Variants in SYNE3 observed in about 807,000 individuals in gnomAD.
SYNE3 encodes the protein nesprin-3.
SYNE3 carries 100 observed loss-of-function variants against 111.2 expected under a neutral mutation model. The ratio of observed to expected loss-of-function variants is 0.90; its 90% CI spans 0.77 to 1.06. SYNE3 has a LOEUF of 1.06. SYNE3 is among the 50% of genes least tolerant of loss of function. SYNE3 has a pLI of 0.00. For missense variants in SYNE3, 1,160 were observed against 1,240.3 expected (o/e 0.94, Z 0.97); for synonymous variants, 547 against 533.9 (o/e 1.02, Z -0.34).
intron 4 of SYNE3, among the ~76,000 whole-genome samples, chr14:95,465,538 T>G (rs542625543): frequency 6.6e-6 from 1 of 151,860 alleles, no homozygotes; most frequent in South Asian, 2.1e-4. Context: ...AATGAGTAGA[T>G]AGATGAATGC....
chr14:95,467,591 T>G (rs996676269), intron 3 of SYNE3, among the ~76,000 whole-genome samples: 2 of 152,222 alleles, frequency 1.3e-5, no homozygotes, highest in Non-Finnish European at 2.9e-5. Context: ...CAAAACACGC[T>G]GGGTTCCCAG....
chr14:95,452,501 C>T, intron 6 of SYNE3, 118 bp from the exon 7 acceptor site: 1 of 1,312,202 alleles, frequency 7.6e-7, no homozygotes, highest in Non-Finnish European at 1.0e-6. Context: ...AAACTGTCAC[C>T]AGGGGCAGGA....
chr14:95,441,776 A>T (rs4905307), intron 11 of SYNE3, among the ~76,000 whole-genome samples: 55,475 of 152,120 alleles, frequency 0.36, 10,623 homozygotes, highest in East Asian at 0.52. Context: ...TCAACCAGAC[A>T]TTAATCGTCA....
In SYNE3 at chr14:95,488,399, T is replaced by A. The variant is rs78230706; in HGVS notation, c.-14-12564A>T. Among the ~76,000 whole-genome samples the A allele has an allele frequency of 1.0e-2, 1,522 of 152,336 alleles. 11 individuals carry two copies. Among genetic ancestry groups the A allele is most frequent in the Non-Finnish European group, 0.016 (1,057 of 68,026 alleles). On this transcript the variant is annotated intron_variant, in intron 1 of 17. Transcript: ENST00000682763. ...CATAGCATTCCTGTGCCACAGATTGTGGATTCATGCACCCACGGATGGATA... is the reference window on the plus strand; with the variant it reads ...CATAGCATTCCTGTGCCACAGATTGAGGATTCATGCACCCACGGATGGATA...
At chr14:95,439,272 AC>A in intron 13 of SYNE3, 110 bp from the exon 14 acceptor site, 1 of 1,495,096 alleles carries the variant, frequency 6.7e-7, no homozygotes, top group Non-Finnish European at 9.2e-7. Flanking sequence ...AGTGCCCCCC[AC>A]TGAAGTTTGT....
intron 17 of SYNE3, among the ~76,000 whole-genome samples, chr14:95,419,061 G>A (rs1374467678): frequency 2.0e-5 from 3 of 152,158 alleles, no homozygotes; most frequent in Non-Finnish European, 4.4e-5. Context: ...CTGCTACAAT[G>A]TCCCTGAAAG....
intron 1 of SYNE3, among the ~76,000 whole-genome samples, chr14:95,497,450 G>A (rs894882081): frequency 1.5e-4 from 13 of 87,184 alleles, no homozygotes; most frequent in Admixed American, 7.7e-4. Flanking sequence ...TTTTCCCGAG[G>A]GGAGAAAAAA....
At chr14:95,437,068 C>A in intron 14 of SYNE3, 87 bp from the exon 15 acceptor site, 1 of 1,560,668 alleles carries the variant, frequency 6.4e-7, no homozygotes, top group Non-Finnish European at 8.7e-7. Context: ...GGCAGAGGGG[C>A]AGGGACCAGG....
chr14:95,501,555 A>G (rs774230432), intron 1 of SYNE3, among the ~76,000 whole-genome samples: 1 of 152,238 alleles, frequency 6.6e-6, no homozygotes, highest in Non-Finnish European at 1.5e-5. Context: ...AGAAAGATGC[A>G]TCCACAAACA....
At chr14:95,462,535 G>A (rs547726478) in intron 4 of SYNE3, among the ~76,000 whole-genome samples, 5 of 152,192 alleles carry the variant, frequency 3.3e-5, no homozygotes, top group East Asian at 1.9e-4. Flanking sequence ...CCCCCTCACC[G>A]CACCCCAAAC....
At chr14:95,506,361 C>T (rs1484955451) in intron 1 of SYNE3, among the ~76,000 whole-genome samples, 2 of 152,192 alleles carry the variant, frequency 1.3e-5, no homozygotes, top group South Asian at 2.1e-4. Context: ...GCTGGTGCTC[C>T]GGGCAGGCAA....
intron 1 of SYNE3, among the ~76,000 whole-genome samples, chr14:95,492,158 C>A (rs1233372502): frequency 2.6e-5 from 4 of 152,094 alleles, no homozygotes; most frequent in African/African-American, 4.8e-5. Flanking sequence ...AAGTTGGAAC[C>A]CTTATATGCT....
chr14:95,481,784 C>T (rs1008760862), intron 1 of SYNE3, among the ~76,000 whole-genome samples: 11 of 152,248 alleles, frequency 7.2e-5, no homozygotes, highest in Non-Finnish European at 1.3e-4. Context: ...TGGACACCAG[C>T]TCCCTTTGCC....
intron 1 of SYNE3, among the ~76,000 whole-genome samples, chr14:95,505,031 C>A (rs754731473): frequency 3.3e-5 from 5 of 152,182 alleles, no homozygotes; most frequent in Non-Finnish European, 7.4e-5. Flanking sequence ...GGGGAAGGGA[C>A]CCTATTCGAT....
chr14:95,456,066 A>C, intron 5 of SYNE3: 6 of 382,724 alleles, frequency 1.6e-5, no homozygotes, highest in African/African-American at 2.1e-5. Flanking sequence ...ATAGAACCAA[A>C]TGGCTCCGTT....
At position 95,417,872 on chromosome 14, in the gene SYNE3, C is replaced by T. The variant is rs146368343; in HGVS notation, c.2882G>A (p.Arg961His). The T allele has an allele frequency of 2.8e-5, 46 of 1,614,050 alleles. No homozygotes were observed. The African/African-American group carries it at 3.7e-4, about 13-fold the overall frequency. Residue 961 changes from arginine to histidine, a missense_variant, in exon 18 of 18, where the codon CGC becomes CAC. Physicochemically the swap from Arg to His is conservative, Grantham distance 29. Transcript: ENST00000682763. ...RSCTLANNFA[R>H]SFTLMLRYNG... is the part of the protein sequence containing the mutation. ...GTAGCGCAGCATGAGCGTGAAGGAG[C>T]GGGCGAAGTTGTTGGCCAGGGTGCA...
chr14:95,499,961 G>A (rs1442942128), intron 1 of SYNE3, among the ~76,000 whole-genome samples: 4 of 146,504 alleles, frequency 2.7e-5, no homozygotes, highest in Non-Finnish European at 5.9e-5. Context: ...CCATGTTCAA[G>A]CAATTCTCCT....
At chr14:95,452,456 G>C in intron 6 of SYNE3, 73 bp from the exon 7 acceptor site, 1 of 1,464,044 alleles carries the variant, frequency 6.8e-7, no homozygotes, top group Non-Finnish European at 9.1e-7. Context: ...GCAGGAGGGT[G>C]AGCGTGGCCA....
chr14:95,439,905 C>A lies in SYNE3; in HGVS notation c.2073+9G>T. 1 of 1,609,280 alleles carries A rather than the reference C, an allele frequency of 6.2e-7. No individual in the cohort carries two copies. Among genetic ancestry groups the A allele is most frequent in the Non-Finnish European group, 8.5e-7 (1 of 1,177,402 alleles). ...CTTTGGGAAGTGGGTGAGGGAACCA[C>A]CGCCTTACCTCAAACTCGGCCTCTT... is the stretch of plus-strand genomic sequence containing the variant. On this transcript the variant is annotated intron_variant, in intron 12 of 17. Transcript: ENST00000682763.
Sources: allele counts gnomAD v4.1 joint callset (sites outside exome capture counted in the v4.1 genomes callset), GRCh38; gene constraint gnomAD v4.1.1; transcripts MANE v1.5; gene names NCBI Gene and HGNC (gene_info 2026-07-23, HGNC 2026-07-21).